The following ARHGAP24 variants were observed in gnomAD, a reference collection of about 807,000 sequenced individuals.
ARHGAP24 encodes the protein rho GTPase-activating protein 24.
A neutral mutation model predicts 76.4 loss-of-function variants in ARHGAP24; 50 were observed. That is an observed-to-expected ratio of 0.65 (90% CI 0.52 to 0.83). The LOEUF is 0.83. ARHGAP24 is among the 40% of genes least tolerant of loss of function. ARHGAP24 has a pLI of 0.00. For synonymous variants in ARHGAP24, 345 were observed against 323.3 expected, an observed-to-expected ratio of 1.07 and a Z score of -0.72; for missense variants, 930 against 914.2, an observed-to-expected ratio of 1.02 and a Z score of -0.22.
At chr4:85,767,935 G>A (rs1285470037) in intron 3 of ARHGAP24, among the ~76,000 whole-genome samples, 1 of 152,138 alleles carries the variant, frequency 6.6e-6, no homozygotes, top group East Asian at 1.9e-4. Flanking sequence ...CTTTGGAAAT[G>A]GTTGTTGGGG....
chr4:85,654,366 A>G (rs1230340365), intron 2 of ARHGAP24, among the ~76,000 whole-genome samples: 1 of 152,188 alleles, frequency 6.6e-6, no homozygotes, highest in Non-Finnish European at 1.5e-5. Context: ...TAAAGGTTCT[A>G]TCTCCAAATA....
chr4:85,902,031 T>G (rs971502042), intron 3 of ARHGAP24, among the ~76,000 whole-genome samples: 1 of 152,204 alleles, frequency 6.6e-6, no homozygotes, highest in African/African-American at 2.4e-5. Context: ...TGAGTCCATG[T>G]GTTCTCATTG....
intron 2 of ARHGAP24, among the ~76,000 whole-genome samples, chr4:85,647,806 C>T (rs561349287): frequency 3.3e-5 from 5 of 152,146 alleles, no homozygotes; most frequent in South Asian, 2.1e-4. Context: ...AAATTGGAAC[C>T]GTCTCCCTGT....
At chr4:85,894,747 G>T (rs992735491) in intron 3 of ARHGAP24, among the ~76,000 whole-genome samples, 1 of 151,958 alleles carries the variant, frequency 6.6e-6, no homozygotes, top group African/African-American at 2.4e-5. Flanking sequence ...ATCACTTTGA[G>T]CTCAGGAGTT....
intron 1 of ARHGAP24, among the ~76,000 whole-genome samples, chr4:85,555,333 G>T (rs971424): frequency 4.1e-4 from 62 of 152,112 alleles, no homozygotes; most frequent in Non-Finnish European, 5.4e-4. Context: ...TGTTTTTGGA[G>T]GGTTGAGGCT....
intron 1 of ARHGAP24, among the ~76,000 whole-genome samples, chr4:85,505,599 G>C (rs1724011406): frequency 6.6e-6 from 1 of 152,002 alleles, no homozygotes; most frequent in Non-Finnish European, 1.5e-5. Flanking sequence ...TCTCTACACT[G>C]TTTGTTCCAG....
chr4:85,721,977 G>A lies in ARHGAP24; in HGVS notation c.268+5G>A, dbSNP rs1354876921. 10 of 1,610,396 alleles carry A rather than the reference G, an allele frequency of 6.2e-6. No homozygotes were observed. The highest frequency in any genetic ancestry group is 2.7e-5 in the African/African-American group (2 of 74,924). On this transcript the variant is annotated splice_donor_5th_base_variant and intron_variant, in intron 3 of 9. Coordinates refer to ENST00000395184, the MANE Select transcript of ARHGAP24 (RefSeq NM_001025616.3). ...TCCTTTTTGAAGTAGTTCCAGGTAA[G>A]ATATTTTCCTAGTCTGATTAAATTA...
chr4:85,786,712 G>A (rs143554409), intron 3 of ARHGAP24, among the ~76,000 whole-genome samples: 31 of 152,310 alleles, frequency 2.0e-4, no homozygotes, highest in South Asian at 4.1e-4. Flanking sequence ...TAGAGTAAAT[G>A]TTGAATGCTT....
At chr4:85,566,612 T>C (rs1726855392) in intron 1 of ARHGAP24, among the ~76,000 whole-genome samples, 1 of 152,244 alleles carries the variant, frequency 6.6e-6, no homozygotes, top group Admixed American at 6.5e-5. Flanking sequence ...GAGCTCCATC[T>C]GTTGATTCAA....
chr4:85,950,759 T>C (rs1412909957), intron 5 of ARHGAP24, among the ~76,000 whole-genome samples: 2 of 151,620 alleles, frequency 1.3e-5, no homozygotes, highest in African/African-American at 2.4e-5. Flanking sequence ...GCAACCTCTG[T>C]CCCTGGGTTC....
intron 2 of ARHGAP24, among the ~76,000 whole-genome samples, chr4:85,636,061 A>G (rs1463988200): frequency 1.3e-5 from 2 of 151,494 alleles, no homozygotes; most frequent in Non-Finnish European, 2.9e-5. Context: ...AAATTTCCCT[A>G]CACGTTTCCT....
intron 1 of ARHGAP24, among the ~76,000 whole-genome samples, chr4:85,524,379 A>G (rs1309041254): frequency 6.6e-6 from 1 of 152,168 alleles, no homozygotes; most frequent in African/African-American, 2.4e-5. Flanking sequence ...AGTACACATT[A>G]TGTAAAATTT....
chr4:85,681,973 A>G (rs1405838213), intron 2 of ARHGAP24, among the ~76,000 whole-genome samples: 1 of 152,232 alleles, frequency 6.6e-6, no homozygotes, highest in East Asian at 1.9e-4. Context: ...TGCTACTATT[A>G]TCCTCATTTT....
At chr4:85,655,425 GT>G (rs1241658418) in intron 2 of ARHGAP24, among the ~76,000 whole-genome samples, 4 of 152,060 alleles carry the variant, frequency 2.6e-5, no homozygotes, top group African/African-American at 9.6e-5. Context: ...TTAATATTTG[GT>G]TTAATAACTG....
chr4:85,807,765 AAGCCACCATTCT>A (rs1413383692), intron 3 of ARHGAP24, among the ~76,000 whole-genome samples: 4 of 152,092 alleles, frequency 2.6e-5, no homozygotes, highest in African/African-American at 9.7e-5. Flanking sequence ...GAATTGTACC[AAGCCACCATTCT>A]CCTCCACATC....
intron 1 of ARHGAP24, among the ~76,000 whole-genome samples, chr4:85,503,305 T>C (rs1325416202): frequency 2.0e-5 from 3 of 152,216 alleles, no homozygotes; most frequent in African/African-American, 7.2e-5. Context: ...CCAGCTCCTC[T>C]TTGTACCTCT....
intron 3 of ARHGAP24, among the ~76,000 whole-genome samples, chr4:85,811,866 T>G (rs573794098): frequency 6.6e-6 from 1 of 152,192 alleles, no homozygotes; most frequent in Non-Finnish European, 1.5e-5. Flanking sequence ...TAATTAGTTT[T>G]TTCTACCTTT....
At chr4:85,688,164 A>G (rs753896998) in intron 2 of ARHGAP24, among the ~76,000 whole-genome samples, 9 of 152,158 alleles carry the variant, frequency 5.9e-5, no homozygotes, top group Non-Finnish European at 1.3e-4. Flanking sequence ...TTTCAACAGT[A>G]GTTGAAGTAA....
chr4:85,672,718 G>A (rs538395083), intron 2 of ARHGAP24, among the ~76,000 whole-genome samples: 6 of 152,286 alleles, frequency 3.9e-5, no homozygotes, highest in South Asian at 4.2e-4. Context: ...AACATTTGAT[G>A]CTAAGTGTCA....
Sources: gnomAD v4.1 joint callset for allele counts (sites outside exome capture counted in the v4.1 genomes callset) on GRCh38, gnomAD v4.1.1 for gene constraint, MANE v1.5 for transcripts, NCBI Gene and HGNC (gene_info 2026-07-23, HGNC 2026-07-21) for gene names.